The following RBMS3 variants were observed in gnomAD, a reference collection of about 807,000 sequenced individuals.
RBMS3 encodes the protein RNA binding motif single stranded interacting protein 3, also known as RNA-binding motif, single-stranded-interacting protein 3.
RBMS3 carries 27 observed loss-of-function variants against 66.8 expected under a neutral mutation model. That is an observed-to-expected ratio of 0.40 (90% CI 0.30 to 0.56). The LOEUF is 0.56. Among genes scored for constraint, RBMS3 ranks in the 20% least tolerant of loss-of-function variants. RBMS3 has a pLI of 0.40. For synonymous variants in RBMS3, 188 were observed against 183.0 expected, an observed-to-expected ratio of 1.03 and a Z score of -0.22; for missense variants, 513 against 549.5, an observed-to-expected ratio of 0.93 and a Z score of 0.66.
rs562619075 is a variant in RBMS3, at chr3:29,791,742, G to A, written c.637+28753G>A. On this transcript the variant is annotated intron_variant, in intron 6 of 14. Coordinates refer to ENST00000383767, the MANE Select transcript of RBMS3 (RefSeq NM_001003793.3). ...TCCTCTTGTAGAACATCCTGACAGC[G>A]TTCACTAAAAGCTAGTTTGTGTATA... is the stretch of plus-strand genomic sequence containing the variant. Among the ~76,000 whole-genome samples, 115 of 152,108 alleles carry A rather than the reference G, an allele frequency of 7.6e-4. 1 individual carries two copies. Among genetic ancestry groups the A allele is most frequent in the Admixed American group, 3.0e-3 (46 of 15,272 alleles).
chr3:29,363,092 T>A (rs2037697117), intron 1 of RBMS3, among the ~76,000 whole-genome samples: 1 of 152,168 alleles, frequency 6.6e-6, no homozygotes, highest in Admixed American at 6.6e-5. Context: ...GCTTTTTTAG[T>A]TTTGTGCTCA....
intron 5 of RBMS3, among the ~76,000 whole-genome samples, chr3:29,755,963 T>C (rs1576710012): frequency 6.6e-6 from 1 of 152,262 alleles, no homozygotes; most frequent in Admixed American, 6.5e-5. Flanking sequence ...TTTTCTTTTC[T>C]CCTAACTATT....
chr3:29,538,418 C>T (rs190231221), intron 3 of RBMS3, among the ~76,000 whole-genome samples: 14 of 152,112 alleles, frequency 9.2e-5, no homozygotes, highest in Admixed American at 4.6e-4. Context: ...TTATTGAGTG[C>T]GAAGTTTCCT....
intron 2 of RBMS3, among the ~76,000 whole-genome samples, chr3:29,451,006 T>C (rs1447653549): frequency 6.6e-6 from 1 of 152,040 alleles, no homozygotes; most frequent in East Asian, 1.9e-4. Context: ...TCCTCAAAGG[T>C]AGGCACGGTA....
intron 3 of RBMS3, among the ~76,000 whole-genome samples, chr3:29,508,454 T>C (rs1052547951): frequency 6.6e-6 from 1 of 152,136 alleles, no homozygotes; most frequent in Non-Finnish European, 1.5e-5. Context: ...ATGCAGTGTT[T>C]GGTTTTCTGT....
chr3:29,488,584 C>G, intron 3 of RBMS3, 85 bp downstream of exon 3: 2 of 1,250,106 alleles, frequency 1.6e-6, no homozygotes, highest in Non-Finnish European at 2.3e-6. Context: ...CAGGTACCAG[C>G]TGCACAATGA....
At chr3:29,865,090 A>AAGGGAGGG (rs1039081623) in intron 6 of RBMS3, among the ~76,000 whole-genome samples, 2 of 124,408 alleles carry the variant, frequency 1.6e-5, no homozygotes, top group African/African-American at 7.4e-5. Context: ...GGAAGAAAGG[A>AAGGGAGGG]AGGGAGGGAG....
At chr3:29,942,182 G>A (rs972721878) in intron 11 of RBMS3, among the ~76,000 whole-genome samples, 12 of 151,720 alleles carry the variant, frequency 7.9e-5, no homozygotes, top group African/African-American at 1.9e-4. Flanking sequence ...AATCGTAAGA[G>A]AAATAATTGG....
At chr3:29,427,078 G>T (rs1426717731) in intron 1 of RBMS3, among the ~76,000 whole-genome samples, 1 of 152,218 alleles carries the variant, frequency 6.6e-6, no homozygotes. Context: ...ACCTAGGCCA[G>T]TTGATAGAGA....
intron 4 of RBMS3, among the ~76,000 whole-genome samples, chr3:29,701,193 C>T (rs1163472601): frequency 6.6e-6 from 1 of 151,914 alleles, no homozygotes; most frequent in Non-Finnish European, 1.5e-5. Flanking sequence ...AGGCGAATTG[C>T]TTGAACCTGG....
intron 6 of RBMS3, among the ~76,000 whole-genome samples, chr3:29,835,971 TA>T (rs1338523359): frequency 3.3e-5 from 5 of 151,770 alleles, no homozygotes; most frequent in African/African-American, 1.2e-4. Flanking sequence ...AAAAGTATCA[TA>T]AGAGGCTAAT....
At chr3:29,513,645 C>CTA (rs537358308) in intron 3 of RBMS3, among the ~76,000 whole-genome samples, 57 of 152,022 alleles carry the variant, frequency 3.7e-4, no homozygotes, top group Admixed American at 7.2e-4. Context: ...TTAGAATGAT[C>CTA]TATATATATA....
At chr3:29,930,457 A>G (rs1014910717) in intron 10 of RBMS3, among the ~76,000 whole-genome samples, 1 of 151,438 alleles carries the variant, frequency 6.6e-6, no homozygotes, top group African/African-American at 2.4e-5. Flanking sequence ...ATTCTTCCTC[A>G]CTTTGTATAA....
chr3:29,831,582 T>C (rs2058371078), intron 6 of RBMS3, among the ~76,000 whole-genome samples: 1 of 152,084 alleles, frequency 6.6e-6, no homozygotes, highest in Non-Finnish European at 1.5e-5. Context: ...CTCAACCATA[T>C]AGTTACTGTA....
intron 4 of RBMS3, among the ~76,000 whole-genome samples, chr3:29,643,841 T>C (rs1223007745): frequency 6.6e-6 from 1 of 152,174 alleles, no homozygotes; most frequent in Non-Finnish European, 1.5e-5. Context: ...GTAATCACAA[T>C]TTTAACATGG....
intron 12 of RBMS3, among the ~76,000 whole-genome samples, chr3:29,981,855 T>G (rs927070245): frequency 2.6e-5 from 4 of 152,152 alleles, no homozygotes; most frequent in African/African-American, 9.7e-5. Context: ...ATTTTTGCAT[T>G]GATGTTCATC....
chr3:29,334,969 T>C (rs1053890562), intron 1 of RBMS3, among the ~76,000 whole-genome samples: 2 of 152,216 alleles, frequency 1.3e-5, no homozygotes, highest in Non-Finnish European at 2.9e-5. Flanking sequence ...TGTTTTACAA[T>C]GGAAGCATTG....
chr3:29,499,674 C>G (rs1054427818), intron 3 of RBMS3, among the ~76,000 whole-genome samples: 7 of 152,220 alleles, frequency 4.6e-5, no homozygotes, highest in Admixed American at 2.6e-4. Context: ...ATTGGTCATT[C>G]AGCGGACACC....
chr3:29,446,033 C>G (rs1454511830), intron 2 of RBMS3, among the ~76,000 whole-genome samples: 1 of 152,110 alleles, frequency 6.6e-6, no homozygotes, highest in African/African-American at 2.4e-5. Context: ...TAAAACATTT[C>G]TATCATCCGC....
Sources: gnomAD v4.1 joint callset for allele counts (sites outside exome capture counted in the v4.1 genomes callset) on GRCh38, gnomAD v4.1.1 for gene constraint, MANE v1.5 for transcripts, NCBI Gene and HGNC (gene_info 2026-07-23, HGNC 2026-07-21) for gene names.